Variants in NOS2 observed in about 807,000 individuals in gnomAD.
The protein encoded by NOS2 is nitric oxide synthase 2, also known as nitric oxide synthase, inducible.
A neutral mutation model predicts 136.0 loss-of-function variants in NOS2; 96 were observed. That is an observed-to-expected ratio of 0.71 (90% CI 0.60 to 0.84). NOS2 has a LOEUF of 0.84. Among genes scored for constraint, NOS2 ranks in the 40% least tolerant of loss-of-function variants. The pLI is 0.00. For synonymous variants in NOS2, 539 were observed against 587.5 expected, an observed-to-expected ratio of 0.92 and a Z score of 1.20; for missense variants, 1,237 against 1,496.9, an observed-to-expected ratio of 0.83 and a Z score of 2.87.
chr17:27,788,196 GCA>G (rs59431357), intron 4 of NOS2, among the ~76,000 whole-genome samples: 226 of 149,728 alleles, frequency 1.5e-3, no homozygotes, highest in African/African-American at 2.3e-3. Context: ...GCACACGCGT[GCA>G]CACACACACA....
chr17:27,762,529 A>C (rs1323109387), intron 22 of NOS2, among the ~76,000 whole-genome samples: 1 of 152,192 alleles, frequency 6.6e-6, no homozygotes, highest in Non-Finnish European at 1.5e-5. Flanking sequence ...TCAGCTCTCC[A>C]CTTACTAACA....
intron 13 of NOS2, among the ~76,000 whole-genome samples, chr17:27,772,707 G>T (rs1380185551): frequency 6.6e-6 from 1 of 152,092 alleles, no homozygotes; most frequent in Non-Finnish European, 1.5e-5. Flanking sequence ...TGGAATTGGC[G>T]ACTGGACCTC....
At chr17:27,791,440 C>A (rs780631820) in intron 2 of NOS2, among the ~76,000 whole-genome samples, 1 of 152,178 alleles carries the variant, frequency 6.6e-6, no homozygotes, top group Non-Finnish European at 1.5e-5. Flanking sequence ...ATCCTCCATC[C>A]TCCCCCAGGC....
chr17:27,770,317 T>C (rs1265466408), intron 15 of NOS2, among the ~76,000 whole-genome samples: 1 of 152,046 alleles, frequency 6.6e-6, no homozygotes, highest in East Asian at 1.9e-4. Flanking sequence ...CCATCTCTAC[T>C]TAAAAAAAAG....
intron 4 of NOS2, 105 bp from the exon 5 acceptor site, chr17:27,787,931 C>A (rs1312826075): frequency 2.5e-6 from 3 of 1,193,784 alleles, no homozygotes; most frequent in Non-Finnish European, 3.5e-6. Context: ...GCTGCTCCGG[C>A]TCCCTGCACC....
intron 2 of NOS2, among the ~76,000 whole-genome samples, chr17:27,795,526 G>C (rs1909328568): frequency 6.6e-6 from 1 of 152,230 alleles, no homozygotes; most frequent in Non-Finnish European, 1.5e-5. Context: ...AGCCAGGGGA[G>C]TGGGCATCTG....
rs1000553923 is a variant in NOS2 at position 27,774,511 on chromosome 17, G to A, written c.1282-60C>T. 1.5e-5 allele frequency: 20 copies of A among 1,317,974 alleles called. 1 individual carries two copies. Among genetic ancestry groups the A allele is most frequent in the East Asian group, 5.6e-5 (2 of 35,948 alleles). The allele number at this position is 1,317,974 out of a possible 1,614,324, so 81.6% of individuals were successfully genotyped here. ...GGGTGGGGGAATCAGGAGAGGGGCC[G>A]GTTGGCCGCAGGGCTCCCAGAGAGT... is the stretch of plus-strand genomic sequence containing the variant. On this transcript the variant is annotated intron_variant, in intron 11 of 26. Coordinates refer to ENST00000313735, the MANE Select transcript of NOS2 (RefSeq NM_000625.4).
At chr17:27,793,353 A>G (rs1909251738) in intron 2 of NOS2, among the ~76,000 whole-genome samples, 1 of 152,202 alleles carries the variant, frequency 6.6e-6, no homozygotes, top group Non-Finnish European at 1.5e-5. Context: ...TCGCAGCGCA[A>G]CTGAACCCGC....
intron 25 of NOS2, 105 bp from the exon 26 acceptor site, chr17:27,759,180 G>A: frequency 1.3e-6 from 1 of 742,752 alleles, no homozygotes; most frequent in African/African-American, 1.8e-5. Context: ...ACTAAGGGGT[G>A]AGGAGTGAGT....
Position 27,762,906 on chromosome 17 carries a change from A to C in NOS2, c.2692T>G (p.Ser898Ala). The C allele has an allele frequency of 1.2e-6, 2 of 1,602,362 alleles. No individual in the cohort carries two copies. The highest frequency in any genetic ancestry group is 1.7e-6 in the Non-Finnish European group (2 of 1,175,508). Reference sequence around the variant, plus strand: ...CTGGGCTTCAGAATGGGGAGCTGGGAAAGCAGGAAGCCAGCAGACACCCGC... The same window carrying C: ...CTGGGCTTCAGAATGGGGAGCTGGGCAAGCAGGAAGCCAGCAGACACCCGC... ...SLRVSAGFLL[S>A]QLPILKPRFY... Residue 898 changes from serine (S) to alanine (A), a missense_variant, in exon 22 of 27, where the codon TCC (serine) becomes GCC (alanine). By Grantham distance (99) the Ser-to-Ala change is moderately conservative. Around this residue, in one of 3 missense-constraint regions of NOS2, gnomAD observed 782 missense variants for 909.9 expected, o/e 0.86. Transcript: ENST00000313735.
At chr17:27,764,529 C>T (rs575479479) in intron 20 of NOS2, among the ~76,000 whole-genome samples, 1 of 152,348 alleles carries the variant, frequency 6.6e-6, no homozygotes, top group Admixed American at 6.5e-5. Flanking sequence ...CTGCAGTCCC[C>T]TGGGTGCTGT....
intron 24 of NOS2, 139 bp downstream of exon 24, chr17:27,760,484 C>T (rs1908082789): frequency 8.6e-7 from 1 of 1,164,034 alleles, no homozygotes; most frequent in Non-Finnish European, 1.2e-6. Context: ...TTCTAACCCG[C>T]AGAGGCCCGC....
At chr17:27,778,408 G>A (rs934588969) in intron 11 of NOS2, among the ~76,000 whole-genome samples, 1 of 152,194 alleles carries the variant, frequency 6.6e-6, no homozygotes, top group African/African-American at 2.4e-5. Flanking sequence ...AAGAGAGCCT[G>A]TCTGTACACT....
At position 27,798,704 on chromosome 17, in the gene NOS2, A is replaced by T. The variant is rs200154122; in HGVS notation, c.106T>A (p.Ser36Thr). The part of the protein sequence containing the change: ...NNVEKAPCAT[S>T]SPVTQDDLQY... The stretch of plus-strand genomic sequence containing the variant: ...GTTCCCCCAGGGAAAACTCACCTGG[A>T]GGTGGCACAGGGGGCTTTCTCCACA... The change falls in exon 2 of 27, where the codon TCC (serine) becomes ACC (threonine). Residue 36 changes from serine (S) to threonine (T), a missense_variant. Physicochemically the swap from Ser to Thr is moderately conservative, Grantham distance 58. Coordinates refer to ENST00000313735, the MANE Select transcript of NOS2 (RefSeq NM_000625.4). 7.5e-6 allele frequency: 12 copies of T among 1,607,232 alleles called. No individual in the cohort carries two copies. The highest frequency in any genetic ancestry group is 1.0e-5 in the Non-Finnish European group (12 of 1,173,768).
intron 2 of NOS2, among the ~76,000 whole-genome samples, chr17:27,796,686 C>T (rs896536986): frequency 5.3e-5 from 8 of 151,960 alleles, no homozygotes; most frequent in East Asian, 1.9e-4. Flanking sequence ...AGAATAGGGG[C>T]GTGACTTGCT....
At chr17:27,799,790 CAA>C (rs35834812) in intron 1 of NOS2, among the ~76,000 whole-genome samples, 3 of 122,430 alleles carry the variant, frequency 2.5e-5, no homozygotes, top group Non-Finnish European at 1.7e-5. Context: ...AGGCTGTTTC[CAA>C]AAAAAAAAAA....
intron 13 of NOS2, among the ~76,000 whole-genome samples, chr17:27,772,897 C>T (rs1397822669): frequency 4.6e-5 from 7 of 152,036 alleles, no homozygotes; most frequent in African/African-American, 2.4e-5. Context: ...ATTAGTCAGG[C>T]GTGGGTTTGT....
chr17:27,774,543 G>A, intron 11 of NOS2, 92 bp from the exon 12 acceptor site: 1 of 966,540 alleles, frequency 1.0e-6, no homozygotes, highest in Non-Finnish European at 1.4e-6. Context: ...GAGTGCCTGG[G>A]AAGGCCTGGC....
intron 11 of NOS2, among the ~76,000 whole-genome samples, chr17:27,775,587 G>A (rs1351055791): frequency 6.6e-6 from 1 of 151,982 alleles, no homozygotes; most frequent in South Asian, 2.1e-4. Context: ...GGGTGACAGA[G>A]CGAGACTCTG....
Sources: gnomAD v4.1 joint callset for allele counts (sites outside exome capture counted in the v4.1 genomes callset) on GRCh38, gnomAD v4.1.1 for gene constraint, gnomAD v4.1.1 regional missense constraint, MANE v1.5 for transcripts, NCBI Gene and HGNC (gene_info 2026-07-23, HGNC 2026-07-21) for gene names.